RUNX3: variants seen among roughly 807,000 people sequenced by gnomAD.
RUNX3 encodes runt-related transcription factor 3.
A neutral mutation model predicts 27.7 loss-of-function variants in RUNX3; 10 were observed. The ratio of observed to expected loss-of-function variants is 0.36; its 90% confidence interval spans 0.22 to 0.61. The LOEUF (loss-of-function observed/expected upper bound fraction) is 0.61, where lower values mean the gene tolerates loss of function less well. RUNX3 is among the 20% of genes least tolerant of loss of function. RUNX3 has a pLI of 0.72. For synonymous variants in RUNX3, 270 were observed against 269.2 expected (o/e 1.00, Z -0.03); for missense variants, 469 against 629.5 (o/e 0.75, Z 2.73).
chr1:24,936,082 G>A (rs772627320), intron 2 of RUNX3, among the ~76,000 whole-genome samples: 1 of 152,246 alleles, frequency 6.6e-6, no homozygotes, highest in Non-Finnish European at 1.5e-5. Context: ...TCTACTGGGA[G>A]CCATGGAGTG....
At position 24,923,176 on chromosome 1, in the gene RUNX3, G is replaced by A. The variant is rs1187985886; in HGVS notation, c.440-3832C>T. Among the ~76,000 whole-genome samples, 1 of 152,030 alleles carries A rather than the reference G, an allele frequency of 6.6e-6. No individual in the cohort carries two copies. The highest frequency in any genetic ancestry group is 1.5e-5 in the Non-Finnish European group (1 of 68,022). On this transcript the variant is annotated intron_variant, in intron 2 of 4. Coordinates refer to ENST00000308873, the MANE Select transcript of RUNX3 (RefSeq NM_004350.3). This position sits in a 1 kb window ranked among gnomAD's most constrained non-coding sequence, Gnocchi z 5.9. ...ACCCCTGAGGTCACCAGCACTCCTC[G>A]GCCGCTTCCACCAGCTTCCACGCCT...
chr1:24,935,166 C>T (rs1250158870), upstream of RUNX3, among the ~76,000 whole-genome samples: 1 of 152,228 alleles, frequency 6.6e-6, no homozygotes, highest in Non-Finnish European at 1.5e-5. Flanking sequence ...CTTTGCCTTG[C>T]AGGAGACTGC....
chr1:24,933,698 C>T (rs373844622), upstream of RUNX3, among the ~76,000 whole-genome samples: 106 of 152,320 alleles, frequency 7.0e-4, 1 homozygote, highest in African/African-American at 2.4e-3. Flanking sequence ...CTGACCATTC[C>T]TCTCAGAACC....
At chr1:24,950,094 A>G (rs954499285) in intron 2 of RUNX3, among the ~76,000 whole-genome samples, 3 of 152,262 alleles carry the variant, frequency 2.0e-5, no homozygotes, top group Non-Finnish European at 4.4e-5. Flanking sequence ...TCCAATCCTC[A>G]GGCAGGGCCA....
chr1:24,950,966 G>A (rs1181299363), intron 2 of RUNX3, among the ~76,000 whole-genome samples: 3 of 152,128 alleles, frequency 2.0e-5, no homozygotes, highest in Non-Finnish European at 4.4e-5. Flanking sequence ...CTAGCACCTT[G>A]GGAGGCTGAG....
intron 3 of RUNX3, among the ~76,000 whole-genome samples, chr1:24,915,103 A>G (rs1250383057): frequency 6.6e-6 from 1 of 152,224 alleles, no homozygotes; most frequent in African/African-American, 2.4e-5. Flanking sequence ...GGCAAACCAG[A>G]GCAAAGAACT....
chr1:24,963,232 C>T (rs923633214), intron 2 of RUNX3: 6 of 152,558 alleles, frequency 3.9e-5, no homozygotes, highest in African/African-American at 1.4e-4. Flanking sequence ...TCAGACAAGC[C>T]TTCCCAGAAG....
chr1:24,919,784 A>T (rs906487708), intron 2 of RUNX3, among the ~76,000 whole-genome samples: 3 of 150,160 alleles, frequency 2.0e-5, no homozygotes, highest in African/African-American at 7.4e-5. Flanking sequence ...AGCTGGAGAT[A>T]GACACCGTTA....
At chr1:24,952,540 G>A (rs530144189) in intron 2 of RUNX3, among the ~76,000 whole-genome samples, 2 of 152,298 alleles carry the variant, frequency 1.3e-5, no homozygotes, top group South Asian at 4.1e-4. Flanking sequence ...ACACACGTTG[G>A]GAGATGCCAC....
intron 3 of RUNX3, among the ~76,000 whole-genome samples, chr1:24,914,128 T>C (rs1275341397): frequency 2.0e-5 from 3 of 152,146 alleles, no homozygotes; most frequent in Non-Finnish European, 2.9e-5. Context: ...AAGACCTCCA[T>C]GAGAGAAGAG....
intron 2 of RUNX3, among the ~76,000 whole-genome samples, chr1:24,921,676 C>A (rs1186417570): frequency 6.6e-6 from 1 of 152,240 alleles, no homozygotes; most frequent in African/African-American, 2.4e-5. Context: ...GGACCTCTTT[C>A]TCCTCCAACC....
upstream of RUNX3, among the ~76,000 whole-genome samples, chr1:24,933,459 C>T (rs918415081): frequency 6.6e-6 from 1 of 152,182 alleles, no homozygotes; most frequent in African/African-American, 2.4e-5. Flanking sequence ...TGACCCACCC[C>T]TCCTCTCTCT....
chr1:24,951,786 C>T (rs1389654234), intron 2 of RUNX3, among the ~76,000 whole-genome samples: 1 of 152,196 alleles, frequency 6.6e-6, no homozygotes, highest in African/African-American at 2.4e-5. Flanking sequence ...GAGCAGATGC[C>T]TTAATCTCTC....
chr1:24,942,007 G>A (rs1436222708), intron 2 of RUNX3, among the ~76,000 whole-genome samples: 1 of 152,214 alleles, frequency 6.6e-6, no homozygotes. Context: ...GACCTGGGGT[G>A]GGGGGCCCTC....
At chr1:24,906,608 A>C (rs1640669109) in intron 4 of RUNX3, among the ~76,000 whole-genome samples, 3 of 152,192 alleles carry the variant, frequency 2.0e-5, no homozygotes, top group Non-Finnish European at 2.9e-5. Context: ...GCCTGGCTGC[A>C]ACTGTGCTTG....
chr1:24,925,572 A>C (rs1641083631), intron 2 of RUNX3, among the ~76,000 whole-genome samples: 1 of 152,168 alleles, frequency 6.6e-6, no homozygotes, highest in Non-Finnish European at 1.5e-5. Flanking sequence ...TCATTTGCCC[A>C]ATGTCATCCA....
intron 4 of RUNX3, among the ~76,000 whole-genome samples, chr1:24,906,428 GCCA>G (rs1422797805): frequency 1.3e-5 from 2 of 152,222 alleles, no homozygotes; most frequent in Non-Finnish European, 2.9e-5. Flanking sequence ...TGTCCACCCG[GCCA>G]CCAAGCACCC....
intron 2 of RUNX3, among the ~76,000 whole-genome samples, chr1:24,919,841 T>C (rs1305389632): frequency 6.6e-6 from 1 of 152,060 alleles, no homozygotes; most frequent in South Asian, 2.1e-4. Flanking sequence ...GGTTTGTATA[T>C]TTACACAGTC....
At chr1:24,964,287 C>G (rs1226931266) in intron 2 of RUNX3, among the ~76,000 whole-genome samples, 2 of 152,222 alleles carry the variant, frequency 1.3e-5, no homozygotes, top group Non-Finnish European at 2.9e-5. Context: ...CCATCGCCCC[C>G]ACGGCTTACT....
Sources: allele counts gnomAD v4.1 joint callset (sites outside exome capture counted in the v4.1 genomes callset), GRCh38; gene constraint gnomAD v4.1.1; non-coding constraint Gnocchi (gnomAD v3.1); transcripts MANE v1.5; gene names NCBI Gene and HGNC (gene_info 2026-07-23, HGNC 2026-07-21).